DPYD: variants seen among roughly 807,000 people sequenced by gnomAD.
The protein encoded by DPYD is dihydropyrimidine dehydrogenase, also known as dihydropyrimidine dehydrogenase [NADP(+)].
In DPYD, 109 loss-of-function variants were observed where a neutral mutation model predicts 116.2. That is an observed-to-expected ratio of 0.94 (90% CI 0.80 to 1.10). The LOEUF is 1.10. Ranked by LOEUF, DPYD falls within the 50% of genes least tolerant of loss-of-function variation. The pLI, the probability that DPYD is intolerant of heterozygous loss-of-function variation, is 0.00. For missense variants in DPYD, 1,302 were observed against 1,254.5 expected, an observed-to-expected ratio of 1.04 and a Z score of -0.57; for synonymous variants, 440 against 432.0, an observed-to-expected ratio of 1.02 and a Z score of -0.23.
At chr1:97,815,762 T>C (rs1335929340) in intron 3 of DPYD, among the ~76,000 whole-genome samples, 1 of 152,186 alleles carries the variant, frequency 6.6e-6, no homozygotes, top group Non-Finnish European at 1.5e-5. Flanking sequence ...GTCTTTAAGA[T>C]GCACAATATG....
At chr1:97,175,072 T>C (rs1461524524) in intron 20 of DPYD, among the ~76,000 whole-genome samples, 1 of 152,204 alleles carries the variant, frequency 6.6e-6, no homozygotes, top group Non-Finnish European at 1.5e-5. Flanking sequence ...CCTGGAAAGA[T>C]ACCTAGAAGT....
intron 20 of DPYD, among the ~76,000 whole-genome samples, chr1:97,154,039 T>C (rs1557897186): frequency 6.6e-6 from 1 of 151,222 alleles, no homozygotes; most frequent in Admixed American, 6.6e-5. Flanking sequence ...ACTTTTGCAC[T>C]GTTGGTAGGA....
chr1:97,215,058 T>C (rs1660284574), intron 19 of DPYD, among the ~76,000 whole-genome samples: 1 of 152,244 alleles, frequency 6.6e-6, no homozygotes, highest in Admixed American at 6.5e-5. Flanking sequence ...ATGATGATGA[T>C]GGCTGATGAT....
intron 18 of DPYD, among the ~76,000 whole-genome samples, chr1:97,247,049 G>A (rs1014364471): frequency 6.6e-6 from 1 of 152,004 alleles, no homozygotes; most frequent in Non-Finnish European, 1.5e-5. Context: ...TTATCAAACA[G>A]AAGGGATAAG....
At chr1:97,579,163 A>C (rs754392772) in intron 10 of DPYD, among the ~76,000 whole-genome samples, 1 of 152,234 alleles carries the variant, frequency 6.6e-6, no homozygotes, top group Non-Finnish European at 1.5e-5. Flanking sequence ...CCAGTCAATA[A>C]GCCAACGAAG....
chr1:97,724,894 G>C (rs1266014872), intron 4 of DPYD, among the ~76,000 whole-genome samples: 1 of 148,826 alleles, frequency 6.7e-6, no homozygotes, highest in African/African-American at 2.5e-5. Flanking sequence ...GTGACAGAGT[G>C]GGGAGGGATA....
intron 3 of DPYD, among the ~76,000 whole-genome samples, chr1:97,804,494 C>T (rs1667991279): frequency 6.6e-6 from 1 of 151,708 alleles, no homozygotes; most frequent in African/African-American, 2.4e-5. Flanking sequence ...ACATTTATTT[C>T]ATAAAACATT....
chr1:97,154,202 T>A (rs1156860780), intron 20 of DPYD, among the ~76,000 whole-genome samples: 1 of 152,092 alleles, frequency 6.6e-6, no homozygotes. Flanking sequence ...ACAACCATGT[T>A]TATAGCAGCA....
At chr1:97,549,355 T>C (rs867800721) in intron 12 of DPYD, among the ~76,000 whole-genome samples, 1 of 152,198 alleles carries the variant, frequency 6.6e-6, no homozygotes, top group East Asian at 1.9e-4. Context: ...TTAGGTGGCA[T>C]GCCCGCCTGG....
intron 14 of DPYD, among the ~76,000 whole-genome samples, chr1:97,413,629 C>A (rs1674134666): frequency 1.3e-5 from 2 of 151,982 alleles, no homozygotes; most frequent in Admixed American, 1.3e-4. Context: ...CATGCCACCA[C>A]ACCTGCCTAA....
At chr1:97,261,570 G>A (rs1216080529) in intron 18 of DPYD, among the ~76,000 whole-genome samples, 1 of 148,364 alleles carries the variant, frequency 6.7e-6, no homozygotes. Flanking sequence ...AAAATTCAAA[G>A]GGAAATTGTG....
chr1:97,259,405 G>A (rs571633504), intron 18 of DPYD, among the ~76,000 whole-genome samples: 2 of 151,978 alleles, frequency 1.3e-5, no homozygotes, highest in African/African-American at 4.8e-5. Context: ...TCAGAGTCTT[G>A]CTCTTTCACC....
intron 16 of DPYD, among the ~76,000 whole-genome samples, chr1:97,310,237 A>T (rs1667422822): frequency 2.6e-5 from 4 of 151,782 alleles, no homozygotes; most frequent in Non-Finnish European, 5.9e-5. Flanking sequence ...ATGACATGCC[A>T]AGAGGTGGCT....
chr1:97,289,003 A>G (rs560407544), intron 18 of DPYD, among the ~76,000 whole-genome samples: 2 of 152,136 alleles, frequency 1.3e-5, no homozygotes, highest in Non-Finnish European at 2.9e-5. Context: ...GATAAAGGGG[A>G]CATCACCACT....
chr1:97,867,765 C>A (rs1049638666), intron 2 of DPYD, among the ~76,000 whole-genome samples: 4 of 151,872 alleles, frequency 2.6e-5, no homozygotes, highest in African/African-American at 9.7e-5. Flanking sequence ...CAACGAACAT[C>A]ATATTCAATG....
chr1:97,398,845 AG>A (rs1673173306), intron 14 of DPYD, among the ~76,000 whole-genome samples: 1 of 149,710 alleles, frequency 6.7e-6, no homozygotes, highest in Non-Finnish European at 1.5e-5. Context: ...TCTGGATATT[AG>A]CCCTTTGTCA....
intron 2 of DPYD, among the ~76,000 whole-genome samples, chr1:97,853,852 A>G (rs1431460502): frequency 1.3e-5 from 2 of 152,226 alleles, no homozygotes; most frequent in Admixed American, 6.5e-5. Context: ...GACAATTAAA[A>G]GAAAATGTTA....
At chr1:97,086,525 A>G (rs1649533812) in intron 21 of DPYD, among the ~76,000 whole-genome samples, 1 of 151,998 alleles carries the variant, frequency 6.6e-6, no homozygotes, top group Admixed American at 6.5e-5. Context: ...TGATGGAAGT[A>G]TTTTCAAACT....
chr1:97,900,190 A>G (rs1267066593), intron 1 of DPYD, among the ~76,000 whole-genome samples: 1 of 151,884 alleles, frequency 6.6e-6, no homozygotes, highest in Non-Finnish European at 1.5e-5. Context: ...ACTTCAACAG[A>G]GAGGTGAACT....
Sources: gnomAD v4.1 joint callset for allele counts (sites outside exome capture counted in the v4.1 genomes callset) on GRCh38, gnomAD v4.1.1 for gene constraint, MANE v1.5 for transcripts, NCBI Gene and HGNC (gene_info 2026-07-23, HGNC 2026-07-21) for gene names.